Variants in LRP1B observed in about 807,000 individuals in gnomAD.
LRP1B encodes the protein low-density lipoprotein receptor-related protein 1B.
A neutral mutation model predicts 556.6 loss-of-function variants in LRP1B; 217 were observed. The ratio of observed to expected loss-of-function variants is 0.39; its 90% CI spans 0.35 to 0.44. The LOEUF is 0.44. LRP1B is among the 20% of genes least tolerant of loss of function. LRP1B has a pLI of 1.00. For missense variants in LRP1B, 5,053 were observed against 5,620.8 expected, an observed-to-expected ratio of 0.90 and a Z score of 3.23; for synonymous variants, 2,047 against 1,865.8, an observed-to-expected ratio of 1.10 and a Z score of -2.50.
chr2:141,812,388 A>C (rs1208055917), intron 1 of LRP1B, among the ~76,000 whole-genome samples: 1 of 152,120 alleles, frequency 6.6e-6, no homozygotes, highest in Non-Finnish European at 1.5e-5. Context: ...AAAAGTCAGA[A>C]TGGATGTTCA....
rs550923483 is a variant in LRP1B, at chr2:142,031,470, A to T, written c.82+99178T>A. Among the ~76,000 whole-genome samples, 19 of 120,796 alleles carry T rather than the reference A, an allele frequency of 1.6e-4. 1 individual carries two copies. In the East Asian group the frequency reaches 3.2e-3, roughly 20 times the overall value. 79.2% of individuals were successfully genotyped at this position (120,796 alleles called of 152,430 possible). A position where few individuals can be genotyped will look rare whatever the true frequency, so the allele number is the denominator to read the frequency against. ...CATCTAGCATTAGGTATATCTCCCA[A>T]TGCTATCCCTCCCCCCTCCCCCGAC... On this transcript the variant is annotated intron_variant, in intron 1 of 90. Transcript: ENST00000389484.
At chr2:141,826,933 G>A (rs944065323) in intron 1 of LRP1B, among the ~76,000 whole-genome samples, 1 of 151,586 alleles carries the variant, frequency 6.6e-6, no homozygotes, top group African/African-American at 2.4e-5. Context: ...TTAAATATCC[G>A]CGTTTCTGTC....
chr2:141,791,046 GT>G (rs1695592724), intron 2 of LRP1B, among the ~76,000 whole-genome samples: 2 of 151,700 alleles, frequency 1.3e-5, no homozygotes, highest in African/African-American at 2.4e-5. Context: ...GTGAAGTTCT[GT>G]TTTTTTAAAA....
chr2:141,068,667 C>T (rs752542362), intron 7 of LRP1B, among the ~76,000 whole-genome samples: 14 of 151,390 alleles, frequency 9.2e-5, no homozygotes, highest in Non-Finnish European at 1.6e-4. Context: ...TGCAAGTTTA[C>T]AGTTTGCTTG....
chr2:142,095,697 A>G (rs1199951031), intron 1 of LRP1B, among the ~76,000 whole-genome samples: 1 of 151,746 alleles, frequency 6.6e-6, no homozygotes, highest in African/African-American at 2.4e-5. Flanking sequence ...ACCTTTTTCA[A>G]CATGTATTTT....
chr2:141,667,857 T>A (rs1292403178), intron 2 of LRP1B, among the ~76,000 whole-genome samples: 1 of 152,206 alleles, frequency 6.6e-6, no homozygotes, highest in Non-Finnish European at 1.5e-5. Flanking sequence ...TGAATATTTA[T>A]AGAAAGAATG....
At chr2:140,540,869 A>G (rs1680107520) in intron 45 of LRP1B, 104 bp downstream of exon 45, 4 of 1,266,780 alleles carry the variant, frequency 3.2e-6, no homozygotes, top group Non-Finnish European at 3.2e-6. Context: ...AGCTTCTAAT[A>G]TTAGAAGAGA....
intron 1 of LRP1B, among the ~76,000 whole-genome samples, chr2:142,049,827 T>C (rs941709854): frequency 2.0e-5 from 3 of 152,146 alleles, no homozygotes; most frequent in Non-Finnish European, 2.9e-5. Flanking sequence ...TAATGGCAAC[T>C]TTTCCTTATT....
At chr2:141,600,582 A>G (rs890939813) in intron 2 of LRP1B, among the ~76,000 whole-genome samples, 5 of 144,994 alleles carry the variant, frequency 3.4e-5, no homozygotes, top group African/African-American at 1.4e-4. Flanking sequence ...CGTAACCACC[A>G]TTAGATCCAG....
At chr2:140,635,136 A>G (rs1684027536) in intron 41 of LRP1B, among the ~76,000 whole-genome samples, 1 of 152,116 alleles carries the variant, frequency 6.6e-6, no homozygotes, top group Non-Finnish European at 1.5e-5. Context: ...TTTGAGTTAT[A>G]GTGTTATCAT....
At chr2:141,868,809 A>G (rs531583477) in intron 1 of LRP1B, among the ~76,000 whole-genome samples, 35 of 152,228 alleles carry the variant, frequency 2.3e-4, no homozygotes, top group African/African-American at 8.4e-4. Flanking sequence ...TCACCTTTAG[A>G]TGTGTACAAA....
At chr2:140,319,876 T>G (rs1236072027) in intron 82 of LRP1B, among the ~76,000 whole-genome samples, 1 of 152,162 alleles carries the variant, frequency 6.6e-6, no homozygotes, top group East Asian at 1.9e-4. Context: ...GGCATCCCTT[T>G]TCAATAATTG....
chr2:140,331,101 A>G (rs954942501), intron 79 of LRP1B, among the ~76,000 whole-genome samples: 3 of 152,246 alleles, frequency 2.0e-5, no homozygotes, highest in African/African-American at 4.8e-5. Context: ...AAATAATTCT[A>G]TTGTAAAGAT....
chr2:141,761,307 T>A (rs982020873), intron 2 of LRP1B, among the ~76,000 whole-genome samples: 1 of 152,098 alleles, frequency 6.6e-6, no homozygotes, highest in Non-Finnish European at 1.5e-5. Flanking sequence ...AACTCTTTGT[T>A]CATATATCCT....
At chr2:141,151,560 T>C (rs1701925724) in intron 7 of LRP1B, among the ~76,000 whole-genome samples, 1 of 152,182 alleles carries the variant, frequency 6.6e-6, no homozygotes. Flanking sequence ...GCTTATTTTA[T>C]TTTCTTTACT....
chr2:141,061,482 A>G (rs1387589461), intron 8 of LRP1B, among the ~76,000 whole-genome samples: 1 of 151,824 alleles, frequency 6.6e-6, no homozygotes, highest in Non-Finnish European at 1.5e-5. Flanking sequence ...TGTTGTTTGC[A>G]AAACGTTGTA....
intron 83 of LRP1B, among the ~76,000 whole-genome samples, chr2:140,306,117 T>C (rs1036362016): frequency 2.9e-5 from 4 of 137,888 alleles, no homozygotes; most frequent in South Asian, 2.3e-4. Context: ...ACATTCTCTT[T>C]TTTTGTTGTG....
intron 14 of LRP1B, among the ~76,000 whole-genome samples, chr2:141,009,801 G>C (rs139539881): frequency 2.0e-5 from 3 of 152,026 alleles, no homozygotes; most frequent in South Asian, 4.1e-4. Context: ...GACCAAAAAA[G>C]ATTCACATTC....
At chr2:142,019,487 T>C (rs1412098601) in intron 1 of LRP1B, among the ~76,000 whole-genome samples, 1 of 152,120 alleles carries the variant, frequency 6.6e-6, no homozygotes, top group Non-Finnish European at 1.5e-5. Flanking sequence ...TATTACTCAC[T>C]CCATGTCACT....
Sources: allele counts gnomAD v4.1 joint callset (sites outside exome capture counted in the v4.1 genomes callset), GRCh38; gene constraint gnomAD v4.1.1; transcripts MANE v1.5; gene names NCBI Gene and HGNC (gene_info 2026-07-23, HGNC 2026-07-21).